RSRC1: variants seen among roughly 807,000 people sequenced by gnomAD.
RSRC1 encodes arginine and serine rich coiled-coil 1.
In RSRC1, 39 loss-of-function variants were observed where a neutral mutation model predicts 49.1. The observed-to-expected ratio is 0.79, with a 90% CI of 0.61 to 1.04. RSRC1 has a LOEUF of 1.04. Ranked by LOEUF, RSRC1 falls within the 50% of genes least tolerant of loss-of-function variation. RSRC1 has a pLI of 0.00. For missense variants in RSRC1, 388 were observed against 402.4 expected (o/e 0.96, Z 0.31); for synonymous variants, 143 against 130.8 (o/e 1.09, Z -0.63).
At chr3:158,448,546 A>G (rs981332035) in intron 6 of RSRC1, among the ~76,000 whole-genome samples, 2 of 151,964 alleles carry the variant, frequency 1.3e-5, no homozygotes, top group African/African-American at 2.4e-5. Flanking sequence ...TTTTAATTGA[A>G]TTTGTTGATT....
At chr3:158,179,567 A>C (rs555130515) in intron 3 of RSRC1, among the ~76,000 whole-genome samples, 1 of 152,284 alleles carries the variant, frequency 6.6e-6, no homozygotes, top group East Asian at 1.9e-4. Context: ...GTTGTTGTGT[A>C]TATCAGTAAC....
intron 4 of RSRC1, among the ~76,000 whole-genome samples, chr3:158,216,470 T>G (rs1721949990): frequency 6.6e-6 from 1 of 151,722 alleles, no homozygotes; most frequent in Non-Finnish European, 1.5e-5. Flanking sequence ...ATGTTTATCT[T>G]CTTTCAGCTA....
intron 4 of RSRC1, 77 bp from the exon 5 acceptor site, chr3:158,297,961 TA>T: frequency 2.0e-6 from 2 of 1,024,310 alleles, no homozygotes; most frequent in African/African-American, 1.6e-5. Context: ...CAAGGGTTTA[TA>T]AAACATTTTT....
At position 158,132,364 on chromosome 3, in the gene RSRC1, T is replaced by A. The variant is rs933925136; in HGVS notation, c.320+8373T>A. On this transcript the variant is annotated intron_variant, in intron 3 of 9. Coordinates refer to ENST00000611884, the MANE Select transcript of RSRC1 (RefSeq NM_001271838.2). Reference sequence around the variant, plus strand: ...CTTCTAATTTATCATATTTTAGTAGTTTAACAGACTTTTAAAAAAGGCTTA... The same window carrying A: ...CTTCTAATTTATCATATTTTAGTAGATTAACAGACTTTTAAAAAAGGCTTA... 43 of 154,790 alleles carry A rather than the reference T, an allele frequency of 2.8e-4. 1 individual carries two copies. Among genetic ancestry groups the A allele is most frequent in the African/African-American group, 9.8e-4 (41 of 41,724 alleles). 9.6% of individuals were successfully genotyped at this position (154,790 alleles called of 1,614,324 possible). A position where few individuals can be genotyped will look rare whatever the true frequency, so the allele number is the denominator to read the frequency against.
At chr3:158,435,722 A>C (rs538496698) in intron 6 of RSRC1, among the ~76,000 whole-genome samples, 1 of 151,760 alleles carries the variant, frequency 6.6e-6, no homozygotes, top group Non-Finnish European at 1.5e-5. Flanking sequence ...CTTTACGCTT[A>C]GAAAATTGTA....
chr3:158,306,640 CAAAT>C (rs1727855830), intron 5 of RSRC1, among the ~76,000 whole-genome samples: 1 of 151,708 alleles, frequency 6.6e-6, no homozygotes, highest in Non-Finnish European at 1.5e-5. Flanking sequence ...TTGCAAAAAA[CAAAT>C]AAGCGAAGAT....
intron 7 of RSRC1, among the ~76,000 whole-genome samples, chr3:158,515,309 C>G (rs1740452167): frequency 6.7e-6 from 1 of 148,756 alleles, no homozygotes. Context: ...GACAAAATCT[C>G]TCAGCATTTG....
chr3:158,193,187 G>T (rs1720344119), intron 3 of RSRC1, among the ~76,000 whole-genome samples: 1 of 152,034 alleles, frequency 6.6e-6, no homozygotes, highest in South Asian at 2.1e-4. Flanking sequence ...AGAGGAAATA[G>T]CTTGTTCAGG....
At chr3:158,506,468 C>G (rs574575671) in intron 7 of RSRC1, among the ~76,000 whole-genome samples, 1 of 151,952 alleles carries the variant, frequency 6.6e-6, no homozygotes, top group South Asian at 2.1e-4. Flanking sequence ...TATTGTACAG[C>G]CTTTTTCAAA....
chr3:158,166,395 T>A (rs568039744), intron 3 of RSRC1, among the ~76,000 whole-genome samples: 1 of 152,248 alleles, frequency 6.6e-6, no homozygotes, highest in South Asian at 2.1e-4. Flanking sequence ...ATCATAACCA[T>A]GTGTGGGAGG....
intron 5 of RSRC1, among the ~76,000 whole-genome samples, chr3:158,340,534 C>G (rs1415337257): frequency 1.3e-5 from 2 of 152,016 alleles, no homozygotes; most frequent in Non-Finnish European, 2.9e-5. Flanking sequence ...GAGCAAGAGT[C>G]CGTCTCAAAA....
At chr3:158,336,191 G>A (rs1188487880) in intron 5 of RSRC1, among the ~76,000 whole-genome samples, 1 of 152,258 alleles carries the variant, frequency 6.6e-6, no homozygotes, top group Non-Finnish European at 1.5e-5. Flanking sequence ...CTGCAAGTCA[G>A]CTGGGAACAG....
intron 1 of RSRC1, among the ~76,000 whole-genome samples, chr3:158,113,841 A>C (rs1249468518): frequency 6.6e-6 from 1 of 151,912 alleles, no homozygotes; most frequent in African/African-American, 2.4e-5. Flanking sequence ...CCATTTTTTA[A>C]TGGGATTCCT....
intron 5 of RSRC1, among the ~76,000 whole-genome samples, chr3:158,344,732 C>T (rs184273499): frequency 2.0e-5 from 3 of 152,220 alleles, no homozygotes; most frequent in Admixed American, 1.3e-4. Flanking sequence ...TATAAGATAA[C>T]TTCTTAAAGC....
In RSRC1 at chr3:158,377,014, A is replaced by T. The variant is rs533692178; in HGVS notation, c.583+22106A>T. Among the ~76,000 whole-genome samples, 4 of 152,286 alleles carry T rather than the reference A, an allele frequency of 2.6e-5. No homozygotes were observed. In the South Asian group the frequency reaches 8.3e-4, roughly 32 times the overall value. On this transcript the variant is annotated intron_variant, in intron 6 of 9. Transcript: ENST00000611884. ...GTATCCTTCAAGATTCTTATCCTTC[A>T]TCACTTTAAAGATAGTGTTCACTAC...
intron 7 of RSRC1, among the ~76,000 whole-genome samples, chr3:158,500,799 T>G (rs1739558707): frequency 6.6e-6 from 1 of 152,176 alleles, no homozygotes; most frequent in Non-Finnish European, 1.5e-5. Context: ...TTATTTATCT[T>G]TCAAAGAACC....
chr3:158,322,742 G>A (rs1030446108), intron 5 of RSRC1, among the ~76,000 whole-genome samples: 1 of 152,060 alleles, frequency 6.6e-6, no homozygotes, highest in Non-Finnish European at 1.5e-5. Context: ...TTACATGTAT[G>A]TTAGGATATT....
At chr3:158,278,768 G>A (rs184595213) in intron 4 of RSRC1, among the ~76,000 whole-genome samples, 84 of 152,164 alleles carry the variant, frequency 5.5e-4, no homozygotes, top group African/African-American at 1.9e-3. Flanking sequence ...GGCTTTCATT[G>A]ATTGGTTGAC....
intron 7 of RSRC1, among the ~76,000 whole-genome samples, chr3:158,500,127 T>G (rs1739525138): frequency 6.6e-6 from 1 of 152,216 alleles, no homozygotes; most frequent in Non-Finnish European, 1.5e-5. Flanking sequence ...GATGATCATG[T>G]GATTTTTGTT....
Sources: allele counts gnomAD v4.1 joint callset (sites outside exome capture counted in the v4.1 genomes callset), GRCh38; gene constraint gnomAD v4.1.1; transcripts MANE v1.5; gene names NCBI Gene and HGNC (gene_info 2026-07-23, HGNC 2026-07-21).